MPZL1: variants seen among roughly 807,000 people sequenced by gnomAD.
The protein encoded by MPZL1 is myelin protein zero-like protein 1.
Under a neutral mutation model 29.3 loss-of-function variants are expected in MPZL1, and 16 were observed. The ratio of observed to expected loss-of-function variants is 0.55; its 90% CI spans 0.37 to 0.83. The LOEUF (loss-of-function observed/expected upper bound fraction) is 0.83. Among genes scored for constraint, MPZL1 ranks in the 40% least tolerant of loss-of-function variants. The pLI is 0.00. For missense variants in MPZL1, 279 were observed against 332.9 expected (o/e 0.84, Z 1.26); for synonymous variants, 143 against 132.0 (o/e 1.08, Z -0.57).
intron 1 of MPZL1, among the ~76,000 whole-genome samples, chr1:167,749,375 A>G (rs1660711098): frequency 6.6e-6 from 1 of 152,218 alleles, no homozygotes; most frequent in South Asian, 2.1e-4. Context: ...ACTTCAGGCA[A>G]TACAGGCAGC....
Position 167,731,442 on chromosome 1 carries a change from T to C in MPZL1, c.91+9200T>C, listed in dbSNP as rs560857971. Among the ~76,000 whole-genome samples the C allele has an allele frequency of 1.6e-3, 240 of 149,360 alleles. 1 individual carries two copies. Among genetic ancestry groups the C allele is most frequent in the African/African-American group, 5.7e-3 (231 of 40,538 alleles). On this transcript the variant is annotated intron_variant, in intron 1 of 5. Transcript: ENST00000359523. ...ACAGAGTAAAACTGTGTCTTTTTTT[T>C]TTTTTTTTTTTTGAGACGGAGTCTT... is the stretch of plus-strand genomic sequence containing the variant.
intron 1 of MPZL1, among the ~76,000 whole-genome samples, chr1:167,734,698 G>A (rs190075975): frequency 7.2e-5 from 11 of 152,282 alleles, no homozygotes; most frequent in Admixed American, 3.3e-4. Flanking sequence ...AAAGAGAGGC[G>A]TTGGGGGTAG....
At chr1:167,747,060 C>T (rs555768585) in intron 1 of MPZL1, among the ~76,000 whole-genome samples, 11 of 151,920 alleles carry the variant, frequency 7.2e-5, no homozygotes, top group Non-Finnish European at 1.0e-4. Flanking sequence ...TTAATGGAAC[C>T]GGAATTATAC....
At chr1:167,768,250 C>T (rs1661162228) in intron 2 of MPZL1, among the ~76,000 whole-genome samples, 1 of 152,178 alleles carries the variant, frequency 6.6e-6, no homozygotes, top group Admixed American at 6.5e-5. Flanking sequence ...CCCAGCCTAC[C>T]ACTTTAGCCT....
chr1:167,728,870 C>T (rs1284635596), intron 1 of MPZL1, among the ~76,000 whole-genome samples: 1 of 152,136 alleles, frequency 6.6e-6, no homozygotes, highest in African/African-American at 2.4e-5. Flanking sequence ...ATGCTGCAAC[C>T]AACTGAACAG....
intron 5 of MPZL1, among the ~76,000 whole-genome samples, chr1:167,777,249 G>A (rs1661389584): frequency 1.3e-5 from 2 of 152,260 alleles, no homozygotes; most frequent in Non-Finnish European, 2.9e-5. Context: ...AAAAAGCATT[G>A]GAACATTTTT....
intron 1 of MPZL1, among the ~76,000 whole-genome samples, chr1:167,751,667 T>C (rs555098889): frequency 7.2e-6 from 1 of 139,408 alleles, no homozygotes; most frequent in Non-Finnish European, 1.5e-5. Context: ...CGAGACTCCA[T>C]CTCAAAAAAA....
At chr1:167,729,352 G>A (rs762702542) in intron 1 of MPZL1, among the ~76,000 whole-genome samples, 1 of 151,998 alleles carries the variant, frequency 6.6e-6, no homozygotes, top group Non-Finnish European at 1.5e-5. Context: ...TTACAATGTG[G>A]AGTTATATAC....
intron 1 of MPZL1, among the ~76,000 whole-genome samples, chr1:167,753,531 C>T (rs115011108): frequency 3.9e-4 from 60 of 152,262 alleles, no homozygotes; most frequent in African/African-American, 1.4e-3. Flanking sequence ...GTATTTCTTT[C>T]TCCATTTAAT....
chr1:167,758,909 T>C (rs1660925344), intron 1 of MPZL1, among the ~76,000 whole-genome samples: 1 of 152,218 alleles, frequency 6.6e-6, no homozygotes, highest in South Asian at 2.1e-4. Flanking sequence ...TAAGCTCAGC[T>C]CTCATTTCCA....
At chr1:167,735,725 T>C (rs1660364169) in intron 1 of MPZL1, among the ~76,000 whole-genome samples, 2 of 152,202 alleles carry the variant, frequency 1.3e-5, no homozygotes, top group African/African-American at 4.8e-5. Flanking sequence ...ATGGTCAGTC[T>C]TTGTTATTGT....
At chr1:167,740,378 T>A (rs1395492357) in intron 1 of MPZL1, among the ~76,000 whole-genome samples, 1 of 152,214 alleles carries the variant, frequency 6.6e-6, no homozygotes, top group Non-Finnish European at 1.5e-5. Flanking sequence ...TTGAAACTTC[T>A]CCTATCAGGA....
At chr1:167,748,572 A>ATTTC (rs1284046394) in intron 1 of MPZL1, among the ~76,000 whole-genome samples, 2 of 152,208 alleles carry the variant, frequency 1.3e-5, no homozygotes, top group East Asian at 3.9e-4. Flanking sequence ...CATTCTGTGG[A>ATTTC]TGTCTTCTTG....
At chr1:167,766,214 G>C (rs943634975) in intron 2 of MPZL1, among the ~76,000 whole-genome samples, 1 of 152,192 alleles carries the variant, frequency 6.6e-6, no homozygotes, top group Non-Finnish European at 1.5e-5. Flanking sequence ...CTTCAAAAAT[G>C]TCTAAAACAG....
intron 4 of MPZL1, among the ~76,000 whole-genome samples, chr1:167,775,374 T>C (rs1171168554): frequency 6.6e-6 from 1 of 152,214 alleles, no homozygotes; most frequent in Admixed American, 6.5e-5. Context: ...ATCCCTACGC[T>C]GTACCCCAGC....
chr1:167,723,186 A>G (rs1447878096), intron 1 of MPZL1, among the ~76,000 whole-genome samples: 1 of 152,248 alleles, frequency 6.6e-6, no homozygotes, highest in African/African-American at 2.4e-5. Flanking sequence ...GCCAGCTGCT[A>G]AGAAACCACG....
intron 1 of MPZL1, among the ~76,000 whole-genome samples, chr1:167,760,747 C>CTGTGTGTGTGTGTGTGTGTGTGTG (rs58963124): frequency 8.3e-6 from 1 of 120,108 alleles, no homozygotes; most frequent in Non-Finnish European, 1.8e-5. Context: ...GTTGAATAGG[C>CTGTGTGTGTGTGTGTGTGTGTGTG]TGTGTGTGTG....
At chr1:167,756,901 C>T (rs1660879665) in intron 1 of MPZL1, among the ~76,000 whole-genome samples, 1 of 152,034 alleles carries the variant, frequency 6.6e-6, no homozygotes, top group South Asian at 2.1e-4. Flanking sequence ...AAGGAAAGGA[C>T]AGGATGTCGG....
At chr1:167,724,871 C>A (rs571419820) in intron 1 of MPZL1, among the ~76,000 whole-genome samples, 12 of 152,184 alleles carry the variant, frequency 7.9e-5, no homozygotes, top group Admixed American at 2.6e-4. Context: ...CACTGAAGAA[C>A]ATAGCAGAGA....
Sources: allele counts gnomAD v4.1 joint callset (sites outside exome capture counted in the v4.1 genomes callset), GRCh38; gene constraint gnomAD v4.1.1; transcripts MANE v1.5; gene names NCBI Gene and HGNC (gene_info 2026-07-23, HGNC 2026-07-21).